Variants in PHACTR1 observed in about 807,000 individuals in gnomAD.
The protein encoded by PHACTR1 is phosphatase and actin regulator 1.
PHACTR1 carries 16 observed loss-of-function variants against 69.2 expected under a neutral mutation model. The observed-to-expected ratio is 0.23, with a 90% confidence interval of 0.16 to 0.35. The LOEUF (loss-of-function observed/expected upper bound fraction) is 0.35, where lower values mean the gene tolerates loss of function less well. Among genes scored for constraint, PHACTR1 ranks in the 10% least tolerant of loss-of-function variants. PHACTR1 has a pLI of 1.00. For missense variants in PHACTR1, 510 were observed against 734.7 expected (o/e 0.69, Z 3.54); for synonymous variants, 312 against 284.5 (o/e 1.10, Z -0.97).
intron 10 of PHACTR1, among the ~76,000 whole-genome samples, chr6:13,235,435 A>T (rs1160440184): frequency 3.9e-5 from 6 of 152,226 alleles, no homozygotes; most frequent in Non-Finnish European, 1.5e-5. Context: ...CAGTATTAAA[A>T]AATTAGACAC....
intron 4 of PHACTR1, among the ~76,000 whole-genome samples, chr6:12,818,154 G>A (rs146083328): frequency 1.1e-4 from 16 of 152,268 alleles, no homozygotes; most frequent in Non-Finnish European, 2.2e-4. Flanking sequence ...AGCCAGGTGT[G>A]TATCAGTTAG....
At chr6:12,906,359 G>A (rs1159974469) in intron 4 of PHACTR1, among the ~76,000 whole-genome samples, 2 of 152,086 alleles carry the variant, frequency 1.3e-5, no homozygotes, top group African/African-American at 2.4e-5. Context: ...TGCTCAAGGG[G>A]TCAGCCTTTT....
At chr6:13,189,192 T>C (rs1007871274) in intron 7 of PHACTR1, among the ~76,000 whole-genome samples, 2 of 152,252 alleles carry the variant, frequency 1.3e-5, no homozygotes, top group Admixed American at 1.3e-4. Flanking sequence ...TCAGCCTTTT[T>C]TGAGAACTTT....
intron 9 of PHACTR1, among the ~76,000 whole-genome samples, 185 bp downstream of exon 9, chr6:13,228,248 G>A (rs1233251634): frequency 6.6e-6 from 1 of 152,140 alleles, no homozygotes; most frequent in Non-Finnish European, 1.5e-5. Flanking sequence ...TAAGAGGAGA[G>A]GGTAAATGTC....
chr6:13,252,748 C>G (rs1182082785), intron 10 of PHACTR1, among the ~76,000 whole-genome samples: 1 of 152,062 alleles, frequency 6.6e-6, no homozygotes, highest in Non-Finnish European at 1.5e-5. Context: ...TATCTATATT[C>G]ATACCATTCC....
At chr6:13,080,862 G>A (rs1215049075) in intron 5 of PHACTR1, among the ~76,000 whole-genome samples, 5 of 151,820 alleles carry the variant, frequency 3.3e-5, no homozygotes, top group Non-Finnish European at 7.4e-5. Context: ...AGAACTTTTC[G>A]TAAAAGAAAA....
intron 4 of PHACTR1, among the ~76,000 whole-genome samples, chr6:12,868,490 G>A (rs185074407): frequency 2.4e-4 from 36 of 152,264 alleles, no homozygotes; most frequent in Admixed American, 1.6e-3. Flanking sequence ...GATTGGCTGG[G>A]AGACAGTCCA....
At chr6:12,826,153 C>A (rs929239271) in intron 4 of PHACTR1, among the ~76,000 whole-genome samples, 1 of 152,050 alleles carries the variant, frequency 6.6e-6, no homozygotes, top group Non-Finnish European at 1.5e-5. Context: ...ACCAAGAAAG[C>A]CAATAGAGGG....
intron 4 of PHACTR1, among the ~76,000 whole-genome samples, chr6:12,809,387 C>T (rs1774766867): frequency 6.6e-6 from 1 of 152,178 alleles, no homozygotes; most frequent in Non-Finnish European, 1.5e-5. Context: ...CAACAGATAT[C>T]ACTCATCAAT....
At chr6:13,146,521 A>T (rs540000479) in intron 5 of PHACTR1, among the ~76,000 whole-genome samples, 197 of 152,336 alleles carry the variant, frequency 1.3e-3, no homozygotes, top group Admixed American at 1.8e-3. Context: ...TGAAGATTTC[A>T]TTGCAGCAGG....
intron 6 of PHACTR1, among the ~76,000 whole-genome samples, chr6:13,164,927 C>T (rs977079585): frequency 1.4e-5 from 2 of 146,258 alleles, no homozygotes; most frequent in African/African-American, 2.5e-5. Context: ...GTGTGTTAGA[C>T]AAGAAGAGCA....
rs1224380575 is a variant in PHACTR1, at chr6:13,286,138, GA to G, written c.1651-7del. ...CATTGCACATTGATGGGCTTCTGTT[GA>G]TTCCAGGCTGCCATCCGAAAGGAGC... On this transcript the variant is annotated splice_region_variant and splice_polypyrimidine_tract_variant and intron_variant, in intron 13 of 14. Transcript: ENST00000332995. 3.8e-6 allele frequency: 6 copies of G among 1,596,956 alleles called. No homozygotes were observed. The highest frequency in any genetic ancestry group is 5.1e-6 in the Non-Finnish European group (6 of 1,172,898).
chr6:12,955,833 G>C (rs1791824513), intron 4 of PHACTR1, among the ~76,000 whole-genome samples: 1 of 152,150 alleles, frequency 6.6e-6, no homozygotes, highest in African/African-American at 2.4e-5. Flanking sequence ...GGAACACCAA[G>C]AGTAGGAGAC....
intron 4 of PHACTR1, among the ~76,000 whole-genome samples, chr6:12,806,616 A>G (rs1234787237): frequency 6.6e-6 from 1 of 152,126 alleles, no homozygotes. Flanking sequence ...TCGCCCAGCT[A>G]TAATCAAATG....
intron 5 of PHACTR1, among the ~76,000 whole-genome samples, chr6:13,147,997 A>C (rs1310970176): frequency 6.6e-6 from 1 of 152,096 alleles, no homozygotes; most frequent in Non-Finnish European, 1.5e-5. Context: ...CTGATATTTT[A>C]TTGTAATCAT....
chr6:13,123,612 G>C (rs575336656), intron 5 of PHACTR1, among the ~76,000 whole-genome samples: 7 of 152,324 alleles, frequency 4.6e-5, no homozygotes, highest in African/African-American at 1.4e-4. Context: ...CGATTTGAGG[G>C]TGGAGGGGTA....
chr6:12,875,266 C>G (rs892973915), intron 4 of PHACTR1, among the ~76,000 whole-genome samples: 1 of 152,182 alleles, frequency 6.6e-6, no homozygotes, highest in African/African-American at 2.4e-5. Context: ...TATTACTCAT[C>G]GTGACTCCAC....
intron 10 of PHACTR1, among the ~76,000 whole-genome samples, chr6:13,256,663 G>T (rs994219849): frequency 2.0e-5 from 3 of 152,194 alleles, no homozygotes; most frequent in Non-Finnish European, 4.4e-5. Flanking sequence ...AAGTTCCACA[G>T]ATCCCTAGGG....
intron 4 of PHACTR1, among the ~76,000 whole-genome samples, chr6:12,783,355 A>G (rs2127647283): frequency 6.6e-6 from 1 of 152,352 alleles, no homozygotes; most frequent in East Asian, 1.9e-4. Flanking sequence ...CATTAAAAAA[A>G]ATTGGATTAA....
Sources: allele counts gnomAD v4.1 joint callset (sites outside exome capture counted in the v4.1 genomes callset), GRCh38; gene constraint gnomAD v4.1.1; transcripts MANE v1.5; gene names NCBI Gene and HGNC (gene_info 2026-07-23, HGNC 2026-07-21).